The following SNTB1 variants were observed in gnomAD, a reference collection of about 807,000 sequenced individuals.
SNTB1 encodes the protein syntrophin beta 1.
SNTB1 carries 36 observed loss-of-function variants against 48.9 expected under a neutral mutation model. That is an observed-to-expected ratio of 0.74 (90% CI 0.56 to 0.97). SNTB1 has a LOEUF of 0.97. SNTB1 is among the 50% of genes least tolerant of loss of function. SNTB1 has a pLI of 0.00. For missense variants in SNTB1, 786 were observed against 703.4 expected (o/e 1.12, Z -1.33); for synonymous variants, 299 against 294.6 (o/e 1.01, Z -0.15).
At chr8:120,755,468 G>A (rs192821286) in intron 1 of SNTB1, among the ~76,000 whole-genome samples, 170 of 152,138 alleles carry the variant, frequency 1.1e-3, no homozygotes, top group Admixed American at 2.8e-3. Context: ...AGCTCTGGAG[G>A]TTATGGTAGA....
At chr8:120,621,434 G>C (rs1008956961) in intron 3 of SNTB1, among the ~76,000 whole-genome samples, 2 of 152,130 alleles carry the variant, frequency 1.3e-5, no homozygotes, top group Non-Finnish European at 2.9e-5. Flanking sequence ...ACAGAGCAGA[G>C]AATAAAAGAA....
intron 2 of SNTB1, among the ~76,000 whole-genome samples, chr8:120,659,714 T>C (rs1174425912): frequency 6.6e-6 from 1 of 152,236 alleles, no homozygotes; most frequent in African/African-American, 2.4e-5. Context: ...AAGAAATATA[T>C]CTGCCTGTAT....
At chr8:120,650,691 G>T (rs1422832742) in intron 2 of SNTB1, among the ~76,000 whole-genome samples, 2 of 152,106 alleles carry the variant, frequency 1.3e-5, no homozygotes, top group South Asian at 2.1e-4. Context: ...TCAGATACAC[G>T]CATTTTGACC....
chr8:120,758,282 AAGAT>A (rs1252231172), intron 1 of SNTB1, among the ~76,000 whole-genome samples: 1 of 152,188 alleles, frequency 6.6e-6, no homozygotes, highest in Non-Finnish European at 1.5e-5. Context: ...TTGCAAACCC[AAGAT>A]CCCTGACTAA....
chr8:120,638,075 G>A (rs1311341157), intron 2 of SNTB1: 1 of 154,484 alleles, frequency 6.5e-6, no homozygotes, highest in Non-Finnish European at 1.5e-5. Context: ...ACAATAATGT[G>A]GGGCAGCCTT....
chr8:120,616,298 ATTTTTTT>A (rs137921428), intron 3 of SNTB1, among the ~76,000 whole-genome samples: 62 of 122,118 alleles, frequency 5.1e-4, no homozygotes, highest in African/African-American at 1.8e-3. Context: ...GATTAGCTTG[ATTTTTTT>A]TTTTTTTTTT....
intron 1 of SNTB1, among the ~76,000 whole-genome samples, chr8:120,808,527 T>G (rs542458898): frequency 5.4e-4 from 83 of 152,350 alleles, no homozygotes; most frequent in African/African-American, 1.9e-3. Flanking sequence ...AGTTTCATGT[T>G]CATTTCATTT....
chr8:120,713,514 G>A (rs906682727), intron 1 of SNTB1, among the ~76,000 whole-genome samples: 18 of 152,112 alleles, frequency 1.2e-4, no homozygotes, highest in African/African-American at 4.3e-4. Flanking sequence ...GGTGGATTGC[G>A]AGGTCAGGAG....
chr8:120,795,677 C>T (rs1820109606), intron 1 of SNTB1, among the ~76,000 whole-genome samples: 1 of 152,014 alleles, frequency 6.6e-6, no homozygotes, highest in African/African-American at 2.4e-5. Context: ...GCTTAGACAA[C>T]AGGAGTTCAT....
At chr8:120,648,346 T>C (rs1213872188) in intron 2 of SNTB1, among the ~76,000 whole-genome samples, 3 of 152,226 alleles carry the variant, frequency 2.0e-5, no homozygotes, top group Admixed American at 6.5e-5. Flanking sequence ...TCAGGAGCTC[T>C]TGTAAGGCAG....
In SNTB1 at chr8:120,789,795, T is replaced by C. The variant is rs111474341; in HGVS notation, c.571+21478A>G. 7.0e-4 allele frequency among the ~76,000 whole-genome samples: 107 copies of C among 152,130 alleles called. 1 individual carries two copies. The highest frequency in any genetic ancestry group is 3.4e-3 in the Middle Eastern group (1 of 294). On this transcript the variant is annotated intron_variant, in intron 1 of 6. Transcript: ENST00000517992. ...AAGGCCAGACAGATTCTCAGCCAAA[T>C]TCTACCAGACATTCAAAGGAGAATT...
intron 4 of SNTB1, among the ~76,000 whole-genome samples, chr8:120,550,864 C>T: frequency 6.6e-6 from 1 of 152,102 alleles, no homozygotes; most frequent in Non-Finnish European, 1.5e-5. Context: ...CTACAAGGAG[C>T]AAAAATGTAT....
chr8:120,742,764 T>C (rs537020462), intron 1 of SNTB1, among the ~76,000 whole-genome samples: 2 of 152,262 alleles, frequency 1.3e-5, no homozygotes, highest in African/African-American at 4.8e-5. Context: ...ATCTTTTAGA[T>C]AGGGAACTTT....
chr8:120,609,896 T>C lies in SNTB1; in HGVS notation c.996+22548A>G, dbSNP rs547201200. On this transcript the variant is annotated intron_variant, in intron 3 of 6. Coordinates refer to ENST00000517992, the MANE Select transcript of SNTB1 (RefSeq NM_021021.4). ...CCAACACTTCCTGGGAACCATAGCATAGACCTATTGCCTCATGAAAAGGTG... is the reference window on the plus strand; with the variant it reads ...CCAACACTTCCTGGGAACCATAGCACAGACCTATTGCCTCATGAAAAGGTG... Among the ~76,000 whole-genome samples, 12 of 152,274 alleles carry C rather than the reference T, an allele frequency of 7.9e-5. No individual in the cohort carries two copies. The East Asian group carries it at 2.3e-3, about 29-fold the overall frequency.
chr8:120,795,858 A>G (rs993931522), intron 1 of SNTB1, among the ~76,000 whole-genome samples: 1 of 151,974 alleles, frequency 6.6e-6, no homozygotes, highest in Non-Finnish European at 1.5e-5. Flanking sequence ...CCCTGCCTTC[A>G]TGTTCATATG....
chr8:120,793,190 G>A (rs1418491020), intron 1 of SNTB1, among the ~76,000 whole-genome samples: 2 of 151,978 alleles, frequency 1.3e-5, no homozygotes, highest in African/African-American at 4.8e-5. Context: ...TGGAGAGTAA[G>A]TCTGGGAAAT....
chr8:120,640,451 T>A (rs1213354110), intron 2 of SNTB1, among the ~76,000 whole-genome samples: 2 of 152,208 alleles, frequency 1.3e-5, no homozygotes, highest in African/African-American at 4.8e-5. Context: ...ATCCCTGTCT[T>A]GTGCCAGTTT....
intron 1 of SNTB1, among the ~76,000 whole-genome samples, chr8:120,703,367 C>T (rs1818335168): frequency 1.3e-5 from 2 of 152,210 alleles, no homozygotes; most frequent in African/African-American, 4.8e-5. Flanking sequence ...TCAAGTGATC[C>T]ATCCGCCTTG....
At chr8:120,620,663 C>G (rs1482406715) in intron 3 of SNTB1, among the ~76,000 whole-genome samples, 3 of 150,480 alleles carry the variant, frequency 2.0e-5, no homozygotes, top group South Asian at 4.3e-4. Context: ...CCCCCACCCC[C>G]ACACACACCA....
Sources: gnomAD v4.1 joint callset for allele counts (sites outside exome capture counted in the v4.1 genomes callset) on GRCh38, gnomAD v4.1.1 for gene constraint, MANE v1.5 for transcripts, NCBI Gene and HGNC (gene_info 2026-07-23, HGNC 2026-07-21) for gene names.